ARFGEF3: variants seen among roughly 807,000 people sequenced by gnomAD.
ARFGEF3 encodes ARFGEF family member 3.
In ARFGEF3, 96 loss-of-function variants were observed where a neutral mutation model predicts 221.7. That is an observed-to-expected ratio of 0.43 (90% CI 0.37 to 0.51). The LOEUF (loss-of-function observed/expected upper bound fraction) is 0.51, where lower values mean the gene tolerates loss of function less well. Among genes scored for constraint, ARFGEF3 ranks in the 20% least tolerant of loss-of-function variants. ARFGEF3 has a pLI of 0.00. For missense variants in ARFGEF3, 2,410 were observed against 2,789.9 expected (o/e 0.86, Z 3.07); for synonymous variants, 1,145 against 1,126.8 (o/e 1.02, Z -0.32).
At chr6:138,281,944 G>A (rs946390779) in intron 14 of ARFGEF3, among the ~76,000 whole-genome samples, 8 of 151,906 alleles carry the variant, frequency 5.3e-5, no homozygotes, top group African/African-American at 1.7e-4. Context: ...TTGTTTGGTT[G>A]GTTGGTTGGT....
chr6:138,235,234 G>A (rs1778264398), intron 5 of ARFGEF3, among the ~76,000 whole-genome samples: 1 of 152,032 alleles, frequency 6.6e-6, no homozygotes, highest in South Asian at 2.1e-4. Context: ...GTTTGTGTTT[G>A]CTCTCAGTTC....
chr6:138,318,875 G>A (rs1264664442), intron 27 of ARFGEF3, among the ~76,000 whole-genome samples: 1 of 152,150 alleles, frequency 6.6e-6, no homozygotes, highest in African/African-American at 2.4e-5. Context: ...AAATGGATAA[G>A]TAAACTGCTG....
At position 138,263,084 on chromosome 6, in the gene ARFGEF3, A is replaced by G; in HGVS notation, c.1601A>G (p.Asn534Ser). Reference sequence around the variant, plus strand: ...GAGGACCATTCGGGAAACCACAAGAACAGTCTCAAGTCGCCAGCCATCCCA... The same window carrying G: ...GAGGACCATTCGGGAAACCACAAGAGCAGTCTCAAGTCGCCAGCCATCCCA... ...TPEDHSGNHK[N>S]SLKSPAIPEG... Residue 534 changes from asparagine to serine, a missense_variant, in exon 12 of 34, where the codon AAC becomes AGC. This residue lies in a region of ARFGEF3 where 594 missense variants were observed against 734.3 expected (regional missense o/e 0.81). Transcript: ENST00000251691. 1 of 1,613,822 alleles carries G rather than the reference A, an allele frequency of 6.2e-7. No homozygotes were observed. Among genetic ancestry groups the G allele is most frequent in the Non-Finnish European group, 8.5e-7 (1 of 1,179,834 alleles).
intron 26 of ARFGEF3, among the ~76,000 whole-genome samples, chr6:138,314,829 G>T (rs928192094): frequency 6.6e-6 from 1 of 152,180 alleles, no homozygotes; most frequent in African/African-American, 2.4e-5. Flanking sequence ...CCGTAGCATA[G>T]ATCATAAGAA....
chr6:138,286,561 A>G, intron 15 of ARFGEF3, 140 bp from the exon 16 acceptor site: 2 of 674,100 alleles, frequency 3.0e-6, no homozygotes, highest in Non-Finnish European at 2.6e-6. Context: ...ACATAATCCC[A>G]TATAATCCAT....
Position 138,286,771 on chromosome 6 carries a change from G to C in ARFGEF3, c.2640G>C (p.Leu880=), listed in dbSNP as rs190750852. Residue 880 remains leucine (L), a synonymous_variant, in exon 16 of 34, where the codon CTG becomes CTC. Coordinates refer to ENST00000251691, the MANE Select transcript of ARFGEF3 (RefSeq NM_020340.5). ...KNLIDTLSTP[L]TGRMAGSSKG... is the part of the protein sequence containing the mutation. Reference sequence around the variant, plus strand: ...TGATCGATACTTTATCAACCCCACTGACTGGTCGAATGGCGGGGAGCTCCA... The same window carrying C: ...TGATCGATACTTTATCAACCCCACTCACTGGTCGAATGGCGGGGAGCTCCA... The C allele has an allele frequency of 4.3e-6, 7 of 1,614,050 alleles. No individual in the cohort carries two copies. The Admixed American group carries it at 6.7e-5, about 15-fold the overall frequency.
At chr6:138,190,729 G>T (rs978229196) in intron 2 of ARFGEF3, among the ~76,000 whole-genome samples, 2 of 152,146 alleles carry the variant, frequency 1.3e-5, no homozygotes, top group Admixed American at 1.3e-4. Flanking sequence ...TGGGAAAAGT[G>T]GGGATTATTG....
chr6:138,286,636 T>G, intron 15 of ARFGEF3, 65 bp from the exon 16 acceptor site: 1 of 1,283,864 alleles, frequency 7.8e-7, no homozygotes, highest in Non-Finnish European at 1.1e-6. Flanking sequence ...CAAGAGAATG[T>G]GATGTCATTC....
chr6:138,163,558 T>G (rs1005827674), intron 1 of ARFGEF3, among the ~76,000 whole-genome samples: 3 of 152,200 alleles, frequency 2.0e-5, no homozygotes, highest in Admixed American at 6.5e-5. Flanking sequence ...TTCGTTATTA[T>G]TTTGCTGCAA....
At chr6:138,319,493 C>A (rs1207062175) in intron 27 of ARFGEF3, among the ~76,000 whole-genome samples, 1 of 151,874 alleles carries the variant, frequency 6.6e-6, no homozygotes, top group East Asian at 1.9e-4. Context: ...GGAGTATATT[C>A]ACATATTGCT....
intron 1 of ARFGEF3, among the ~76,000 whole-genome samples, chr6:138,164,569 G>A (rs554349893): frequency 9.2e-5 from 14 of 152,308 alleles, no homozygotes; most frequent in Admixed American, 9.1e-4. Flanking sequence ...GTGTGCACAG[G>A]TAGGCTCTTA....
intron 15 of ARFGEF3, 149 bp from the exon 16 acceptor site, chr6:138,286,550 AAC>A (rs1474927676): frequency 1.6e-6 from 1 of 642,828 alleles, no homozygotes; most frequent in Non-Finnish European, 2.8e-6. Flanking sequence ...AACAAAGTGA[AAC>A]ATAATCCCAT....
At chr6:138,172,497 C>T (rs1776855538) in intron 2 of ARFGEF3, among the ~76,000 whole-genome samples, 1 of 152,160 alleles carries the variant, frequency 6.6e-6, no homozygotes, top group Admixed American at 6.5e-5. Flanking sequence ...TATGAACATA[C>T]TAGTGTCCAT....
At position 138,341,549 on chromosome 6, in the gene ARFGEF3, C is replaced by A. The variant is rs1421715343; in HGVS notation, c.*5063C>A. ...GTGTGGCCTTAGGAAAGCAAAAGAGCACTTTTTATTGGAAATATGAGCTTG... is the reference window on the plus strand; with the variant it reads ...GTGTGGCCTTAGGAAAGCAAAAGAGAACTTTTTATTGGAAATATGAGCTTG... On this transcript the variant is annotated 3_prime_UTR_variant, in exon 34 of 34. Coordinates refer to ENST00000251691, the MANE Select transcript of ARFGEF3 (RefSeq NM_020340.5). 1 of 153,540 alleles carries A rather than the reference C, an allele frequency of 6.5e-6. No homozygotes were observed. The highest frequency in any genetic ancestry group is 1.5e-5 in the Non-Finnish European group (1 of 68,186). The allele number at this position is 153,540 out of a possible 1,614,324, so 9.5% of individuals were successfully genotyped here. A position where few individuals can be genotyped will look rare whatever the true frequency, so the allele number is the denominator to read the frequency against.
intron 2 of ARFGEF3, among the ~76,000 whole-genome samples, chr6:138,200,260 T>C (rs1438731003): frequency 6.6e-6 from 1 of 152,184 alleles, no homozygotes; most frequent in Admixed American, 6.6e-5. Flanking sequence ...AAAAACAATC[T>C]ATAAATTCAA....
chr6:138,192,064 TG>T (rs1777314238), intron 2 of ARFGEF3, among the ~76,000 whole-genome samples: 1 of 152,102 alleles, frequency 6.6e-6, no homozygotes, highest in Non-Finnish European at 1.5e-5. Context: ...CTTGGACCCG[TG>T]TTGTAGAGGC....
intron 6 of ARFGEF3, among the ~76,000 whole-genome samples, chr6:138,239,266 A>G (rs1196314873): frequency 6.6e-6 from 1 of 152,212 alleles, no homozygotes; most frequent in Non-Finnish European, 1.5e-5. Flanking sequence ...TTGTTTTAAA[A>G]TCTGCCTCTG....
intron 4 of ARFGEF3, among the ~76,000 whole-genome samples, chr6:138,220,127 T>G (rs764787815): frequency 6.6e-6 from 1 of 152,300 alleles, no homozygotes; most frequent in South Asian, 2.1e-4. Flanking sequence ...CAGGTGATCC[T>G]CCAACCTCAG....
At chr6:138,257,589 CAA>C (rs1778708884) in intron 10 of ARFGEF3, among the ~76,000 whole-genome samples, 1 of 152,184 alleles carries the variant, frequency 6.6e-6, no homozygotes, top group Admixed American at 6.5e-5. Context: ...AGAAAAGGTG[CAA>C]ACCCTGGTCC....
Sources: allele counts gnomAD v4.1 joint callset (sites outside exome capture counted in the v4.1 genomes callset), GRCh38; gene constraint gnomAD v4.1.1; regional missense constraint gnomAD v4.1.1; transcripts MANE v1.5; gene names NCBI Gene and HGNC (gene_info 2026-07-23, HGNC 2026-07-21).